The following SGCD variants were observed in gnomAD, a reference collection of about 807,000 sequenced individuals.
The protein encoded by SGCD is sarcoglycan delta, also known as delta-sarcoglycan.
In SGCD, 18 loss-of-function variants were observed where a neutral mutation model predicts 36.6. The observed-to-expected ratio is 0.49, with a 90% CI of 0.34 to 0.73. The LOEUF (loss-of-function observed/expected upper bound fraction) is 0.73. Ranked by LOEUF, SGCD falls within the 30% of genes least tolerant of loss-of-function variation. The probability of loss-of-function intolerance (pLI) is 0.01; values close to 1 mark genes in which losing one functional copy is unlikely to be tolerated. For synonymous variants in SGCD, 133 were observed against 130.6 expected, an observed-to-expected ratio of 1.02 and a Z score of -0.12; for missense variants, 387 against 346.7, an observed-to-expected ratio of 1.12 and a Z score of -0.92.
chr5:156,461,343 C>T (rs532257179), intron 3 of SGCD, among the ~76,000 whole-genome samples: 5 of 151,956 alleles, frequency 3.3e-5, no homozygotes, highest in Non-Finnish European at 5.9e-5. Flanking sequence ...TCAAAAAACC[C>T]ATCATATACT....
intron 3 of SGCD, among the ~76,000 whole-genome samples, chr5:156,199,698 A>G (rs894055327): frequency 6.6e-6 from 1 of 152,096 alleles, no homozygotes; most frequent in Non-Finnish European, 1.5e-5. Context: ...GTGTTTATAG[A>G]TCATTCACTC....
intron 3 of SGCD, among the ~76,000 whole-genome samples, chr5:156,438,372 G>A (rs1753334791): frequency 1.3e-5 from 2 of 152,112 alleles, no homozygotes; most frequent in African/African-American, 2.4e-5. Context: ...TCCGTTTTCT[G>A]TGTGCTTTCA....
exon 3 of SGCD, chr5:156,123,873 A>G (rs1370042236): frequency 1.3e-5 from 2 of 152,106 alleles, no homozygotes; most frequent in Non-Finnish European, 2.9e-5. Context: ...AGAAACCTCC[A>G]TCCTCAGGGA....
intron 4 of SGCD, among the ~76,000 whole-genome samples, chr5:156,583,934 GA>G (rs1760386620): frequency 6.6e-6 from 1 of 152,164 alleles, no homozygotes; most frequent in South Asian, 2.1e-4. Context: ...GTAGACTCCA[GA>G]GAGAATAAAG....
intron 1 of SGCD, among the ~76,000 whole-genome samples, chr5:156,070,799 C>T: frequency 6.6e-6 from 1 of 152,142 alleles, no homozygotes; most frequent in East Asian, 1.9e-4. Context: ...ATTATTGCCA[C>T]AATTTCAAAG....
chr5:156,297,973 C>T (rs1370869595), intron 3 of SGCD, among the ~76,000 whole-genome samples: 1 of 151,076 alleles, frequency 6.6e-6, no homozygotes, highest in Non-Finnish European at 1.5e-5. Flanking sequence ...TCCTTCTACT[C>T]TGTCTCTATG....
intron 6 of SGCD, among the ~76,000 whole-genome samples, chr5:156,603,392 T>C (rs186825761): frequency 4.6e-5 from 7 of 152,220 alleles, no homozygotes; most frequent in African/African-American, 9.6e-5. Flanking sequence ...CTTTGTTTCA[T>C]TGATCTTTTT....
At chr5:155,889,303 T>C (rs538385969) in intron 1 of SGCD, among the ~76,000 whole-genome samples, 1 of 152,350 alleles carries the variant, frequency 6.6e-6, no homozygotes, top group South Asian at 2.1e-4. Flanking sequence ...TTTTCTCATT[T>C]ATAATCTTTG....
intron 1 of SGCD, among the ~76,000 whole-genome samples, chr5:156,062,082 C>G (rs796684444): frequency 0.014 from 1,115 of 77,898 alleles, 123 homozygotes; most frequent in African/African-American, 0.088. Flanking sequence ...TCCCTCCCCC[C>G]TCCCCCGACC....
intron 3 of SGCD, among the ~76,000 whole-genome samples, chr5:156,235,833 G>T (rs1765144729): frequency 6.6e-6 from 1 of 152,170 alleles, no homozygotes; most frequent in South Asian, 2.1e-4. Context: ...AAATCTGAGA[G>T]CTCAGTCTCT....
At chr5:156,389,226 A>C (rs1219077450) in intron 3 of SGCD, among the ~76,000 whole-genome samples, 1 of 152,212 alleles carries the variant, frequency 6.6e-6, no homozygotes, top group Non-Finnish European at 1.5e-5. Context: ...ATATTTCTGC[A>C]AGATATATCC....
chr5:155,922,662 T>C (rs1280029464), intron 1 of SGCD, among the ~76,000 whole-genome samples: 1 of 152,138 alleles, frequency 6.6e-6, no homozygotes, highest in East Asian at 1.9e-4. Context: ...TCTGTGTGTG[T>C]GGGTATATTT....
chr5:155,945,080 G>A (rs1490286241), intron 1 of SGCD, among the ~76,000 whole-genome samples: 1 of 152,148 alleles, frequency 6.6e-6, no homozygotes, highest in African/African-American at 2.4e-5. Context: ...TAAGTTTACA[G>A]ATAAATTTCC....
chr5:156,524,664 C>T (rs530946637), intron 4 of SGCD, among the ~76,000 whole-genome samples: 1 of 151,852 alleles, frequency 6.6e-6, no homozygotes, highest in African/African-American at 2.4e-5. Context: ...CCTATAGTCA[C>T]CATGTTGTAT....
intron 3 of SGCD, among the ~76,000 whole-genome samples, chr5:156,366,222 A>G (rs1241399614): frequency 6.6e-6 from 1 of 152,154 alleles, no homozygotes; most frequent in African/African-American, 2.4e-5. Context: ...AAATACTACC[A>G]AGTGAGGAAG....
the SGCD span, among the ~76,000 whole-genome samples, chr5:155,818,015 A>G: frequency 2.7e-4 from 41 of 152,336 alleles, no homozygotes; most frequent in African/African-American, 9.1e-4. Context: ...GGCATGCAGA[A>G]TATATTTTTT....
chr5:155,730,216 C>T, the SGCD span, among the ~76,000 whole-genome samples: 2 of 152,140 alleles, frequency 1.3e-5, no homozygotes, highest in Non-Finnish European at 2.9e-5. Flanking sequence ...CACCTTTCTT[C>T]GGTGACTTCA....
At chr5:155,890,229 A>C (rs1254953172) in intron 1 of SGCD, among the ~76,000 whole-genome samples, 1 of 152,164 alleles carries the variant, frequency 6.6e-6, no homozygotes, top group Non-Finnish European at 1.5e-5. Flanking sequence ...CATCTAACAC[A>C]AGTTATTGGT....
chr5:156,167,963 C>T (rs1016887894), intron 3 of SGCD, among the ~76,000 whole-genome samples: 2 of 152,146 alleles, frequency 1.3e-5, no homozygotes, highest in Admixed American at 1.3e-4. Flanking sequence ...TTCATTAGTG[C>T]GTGACTTGCT....
Sources: allele counts gnomAD v4.1 joint callset (sites outside exome capture counted in the v4.1 genomes callset), GRCh38; gene constraint gnomAD v4.1.1; transcripts MANE v1.5; gene names NCBI Gene and HGNC (gene_info 2026-07-23, HGNC 2026-07-21).